RBM33: variants seen among roughly 807,000 people sequenced by gnomAD.
The protein encoded by RBM33 is RNA-binding protein 33.
In RBM33, 28 loss-of-function variants were observed where a neutral mutation model predicts 132.6. That is an observed-to-expected ratio of 0.21 (90% confidence interval 0.16 to 0.29). The LOEUF (loss-of-function observed/expected upper bound fraction) is 0.29, where lower values mean the gene tolerates loss of function less well. Among genes scored for constraint, RBM33 ranks in the 10% least tolerant of loss-of-function variants. The probability of loss-of-function intolerance (pLI) is 1.00; values close to 1 mark genes in which losing one functional copy is unlikely to be tolerated. For synonymous variants in RBM33, 634 were observed against 593.0 expected (o/e 1.07, Z -1.01); for missense variants, 1,291 against 1,518.5 (o/e 0.85, Z 2.49).
intron 16 of RBM33, among the ~76,000 whole-genome samples, chr7:155,769,583 G>A (rs937564597): frequency 6.6e-6 from 1 of 152,106 alleles, no homozygotes; most frequent in Non-Finnish European, 1.5e-5. Context: ...AGCCCACCAT[G>A]GAGGCCCTGT....
rs139096013 is a variant in RBM33, at chr7:155,750,037, G to A, written c.2979+4435G>A. 1.5e-3 allele frequency among the ~76,000 whole-genome samples: 231 copies of A among 152,298 alleles called. 4 individuals are homozygous for A. The East Asian group carries it at 0.039, about 26-fold the overall frequency. On this transcript the variant is annotated intron_variant, in intron 14 of 17. Coordinates refer to ENST00000401878, the MANE Select transcript of RBM33 (RefSeq NM_053043.3). ...CCCACTCATTTTACTGTCTGGATTT[G>A]CTAGGTGAGATTACAAAAGGAACAA...
intron 8 of RBM33, among the ~76,000 whole-genome samples, chr7:155,715,564 TCTGACAAAAG>T (rs1800437331): frequency 6.6e-6 from 1 of 152,162 alleles, no homozygotes; most frequent in Non-Finnish European, 1.5e-5. Context: ...AGGTCAGCTT[TCTGACAAAAG>T]TTTTTAAACT....
At chr7:155,658,713 A>C (rs1798561389) in intron 1 of RBM33, among the ~76,000 whole-genome samples, 2 of 152,134 alleles carry the variant, frequency 1.3e-5, no homozygotes, top group South Asian at 4.2e-4. Context: ...GTTTGTTTTT[A>C]ATCCTCTCTG....
intron 14 of RBM33, among the ~76,000 whole-genome samples, chr7:155,752,893 C>T (rs538113388): frequency 6.6e-6 from 1 of 152,236 alleles, no homozygotes; most frequent in Non-Finnish European, 1.5e-5. Flanking sequence ...TTCTGCAGCC[C>T]GATCTTCTCA....
At chr7:155,649,029 G>A (rs1021984166) in intron 1 of RBM33, among the ~76,000 whole-genome samples, 1 of 152,128 alleles carries the variant, frequency 6.6e-6, no homozygotes, top group African/African-American at 2.4e-5. Context: ...TCTTGAATAT[G>A]TAGGTTCATG....
intron 3 of RBM33, 60 bp from the exon 4 acceptor site, chr7:155,678,548 T>A (rs533234092): frequency 8.8e-7 from 1 of 1,138,554 alleles, no homozygotes; most frequent in African/African-American, 1.6e-5. Flanking sequence ...AATTTTGTGC[T>A]TTTTAACAAG....
chr7:155,720,088 A>C (rs1450664231), intron 9 of RBM33, among the ~76,000 whole-genome samples: 2 of 152,232 alleles, frequency 1.3e-5, no homozygotes, highest in Non-Finnish European at 2.9e-5. Context: ...AGCATGGTAA[A>C]TATGTTTCAA....
intron 9 of RBM33, among the ~76,000 whole-genome samples, chr7:155,728,887 T>C (rs947996904): frequency 2.6e-5 from 4 of 152,198 alleles, no homozygotes; most frequent in African/African-American, 4.8e-5. Context: ...GTGAAGGTTA[T>C]TTAAATGGTC....
intron 9 of RBM33, among the ~76,000 whole-genome samples, chr7:155,729,541 A>G (rs1800892110): frequency 6.6e-6 from 1 of 152,148 alleles, no homozygotes; most frequent in Admixed American, 6.6e-5. Flanking sequence ...GTTTCAGACT[A>G]GCCTGGGTAA....
At chr7:155,656,976 T>G (rs1372382589) in intron 1 of RBM33, among the ~76,000 whole-genome samples, 1 of 151,906 alleles carries the variant, frequency 6.6e-6, no homozygotes, top group Non-Finnish European at 1.5e-5. Context: ...TTTTTTTTTT[T>G]GTCTTGTATG....
intron 5 of RBM33, among the ~76,000 whole-genome samples, chr7:155,693,830 C>A (rs556646107): frequency 6.6e-6 from 1 of 152,168 alleles, no homozygotes; most frequent in East Asian, 1.9e-4. Flanking sequence ...GTAGAAGTTG[C>A]TAGTATTTCA....
rs761342505 is a variant in RBM33, at chr7:155,738,376, G to T, written c.1710G>T (p.Leu570=). The T allele has an allele frequency of 8.1e-6, 13 of 1,613,746 alleles. No individual in the cohort carries two copies. The South Asian group carries it at 1.4e-4, about 18-fold the overall frequency. Reference sequence around the variant, plus strand: ...TGCCAGGCCCAGGACAGCCGTTTCTGCCCACACACACACAGCCCAACCTGC... The same window carrying T: ...TGCCAGGCCCAGGACAGCCGTTTCTTCCCACACACACACAGCCCAACCTGC... ...PFLPGPGQPF[L]PTHTQPNLQG... The change falls in exon 11 of 18, where the codon CTG becomes CTT. Residue 570 remains leucine (L), a synonymous_variant. Coordinates refer to ENST00000401878, the MANE Select transcript of RBM33 (RefSeq NM_053043.3).
At chr7:155,673,772 A>G (rs867645040) in intron 3 of RBM33, among the ~76,000 whole-genome samples, 3,589 of 109,620 alleles carry the variant, frequency 0.033, 386 homozygotes, top group African/African-American at 0.1. Flanking sequence ...ATGCGCGCAC[A>G]CACACACACA....
chr7:155,706,805 A>T (rs1189648493), intron 6 of RBM33, 55 bp from the exon 7 acceptor site: 1 of 1,391,828 alleles, frequency 7.2e-7, no homozygotes, highest in African/African-American at 1.4e-5. Context: ...CTCTCCCTAG[A>T]CCTCCAGTTT....
intron 9 of RBM33, among the ~76,000 whole-genome samples, chr7:155,721,976 G>A (rs541286142): frequency 6.6e-6 from 1 of 152,256 alleles, no homozygotes; most frequent in African/African-American, 2.4e-5. Context: ...GGTTATGTTA[G>A]TCTTTGCACT....
chr7:155,655,415 A>G (rs564973895), intron 1 of RBM33, among the ~76,000 whole-genome samples: 16 of 151,882 alleles, frequency 1.1e-4, no homozygotes, highest in African/African-American at 3.9e-4. Flanking sequence ...ATCCTTGTAC[A>G]TATTACCTTT....
chr7:155,718,272 A>G lies in RBM33; in HGVS notation c.1202-113A>G, dbSNP rs968737909. The G allele has an allele frequency of 5.2e-6, 4 of 774,716 alleles. No individual in the cohort carries two copies. The Admixed American group carries it at 5.9e-5, about 11-fold the overall frequency. 48.0% of individuals were successfully genotyped at this position (774,716 alleles called of 1,614,324 possible). On this transcript the variant is annotated intron_variant, in intron 8 of 17. Transcript: ENST00000401878. ...CTTAGCTTAAGCGTAAGCACAATGT[A>G]TTATATGTCTGGTACGCATAGTATA... is the stretch of plus-strand genomic sequence containing the variant.
chr7:155,739,817 CA>C lies in RBM33; in HGVS notation c.1841del (p.Gln614ArgfsTer36). 8.0e-7 allele frequency: 1 copy of C among 1,249,066 alleles called. No homozygotes were observed. The highest frequency in any genetic ancestry group is 1.1e-6 in the Non-Finnish European group (1 of 894,928). 77.4% of individuals were successfully genotyped at this position (1,249,066 alleles called of 1,614,324 possible). On this transcript the variant is annotated frameshift_variant, in exon 12 of 18. Coordinates refer to ENST00000401878, the MANE Select transcript of RBM33 (RefSeq NM_053043.3). LOFTEE classifies it high-confidence loss of function. ...CCAGCCTCCGCACCAGCCCCCGCAC[CA>C]GCCCCCGCCCCAGCACCAGCCCCCA... ...QHQPPHQPPH[Q>X]PPPQHQPPPQ...
At chr7:155,737,445 T>G in intron 9 of RBM33, 85 bp from the exon 10 acceptor site, 4 of 1,413,096 alleles carry the variant, frequency 2.8e-6, no homozygotes, top group Non-Finnish European at 3.7e-6. Flanking sequence ...TGAGGAAAAC[T>G]TGGAACCAGG....
Sources: allele counts gnomAD v4.1 joint callset (sites outside exome capture counted in the v4.1 genomes callset), GRCh38; gene constraint gnomAD v4.1.1; transcripts MANE v1.5; gene names NCBI Gene and HGNC (gene_info 2026-07-23, HGNC 2026-07-21).